The following PALM2AKAP2 variants were observed in gnomAD, a reference collection of about 807,000 sequenced individuals.
PALM2AKAP2 encodes PALM2-AKAP2 fusion protein.
PALM2AKAP2 carries 37 observed loss-of-function variants against 71.5 expected under a neutral mutation model. That is an observed-to-expected ratio of 0.52 (90% CI 0.40 to 0.68). The LOEUF (loss-of-function observed/expected upper bound fraction) is 0.68. Among genes scored for constraint, PALM2AKAP2 ranks in the 30% least tolerant of loss-of-function variants. The pLI is 0.00. For synonymous variants in PALM2AKAP2, 468 were observed against 478.8 expected (o/e 0.98, Z 0.29); for missense variants, 1,224 against 1,191.8 (o/e 1.03, Z -0.40).
intron 7 of PALM2AKAP2, among the ~76,000 whole-genome samples, chr9:110,031,554 G>T (rs975271462): frequency 1.3e-5 from 2 of 152,178 alleles, no homozygotes; most frequent in African/African-American, 4.8e-5. Flanking sequence ...TGCTCTGGGT[G>T]TTTAGGGTAT....
intron 1 of PALM2AKAP2, chr9:110,048,951 C>A: frequency 1.5e-6 from 2 of 1,378,836 alleles, no homozygotes; most frequent in East Asian, 2.9e-5. Context: ...GGCTGGAAAT[C>A]TGGGAGTCCT....
chr9:109,871,681 G>A (rs1475307412), intron 2 of PALM2AKAP2, among the ~76,000 whole-genome samples: 1 of 151,754 alleles, frequency 6.6e-6, no homozygotes, highest in Non-Finnish European at 1.5e-5. Flanking sequence ...CCAACCTGTG[G>A]GTAAAATGAA....
Position 110,137,414 on chromosome 9 carries a change from T to TC in PALM2AKAP2, c.1449dup (p.Gly484ArgfsTer29). ...TGCCTCAGCCGCCAAGGGACAGAAATCCCCCGGTGCCCTGGAGACCCCATC... is the reference window on the plus strand; with the variant it reads ...TGCCTCAGCCGCCAAGGGACAGAAATCCCCCCGGTGCCCTGGAGACCCCATC... On this transcript the variant is annotated frameshift_variant, in exon 2 of 4. Coordinates refer to ENST00000374525, the Ensembl canonical transcript of PALM2AKAP2. LOFTEE classifies it high-confidence loss of function. The TC allele has an allele frequency of 6.2e-7, 1 of 1,613,710 alleles. No homozygotes were observed. The highest frequency in any genetic ancestry group is 8.5e-7 in the Non-Finnish European group (1 of 1,179,940).
At chr9:110,107,267 G>A (rs62578860) in intron 1 of PALM2AKAP2, among the ~76,000 whole-genome samples, 8,830 of 152,176 alleles carry the variant, frequency 0.058, 329 homozygotes, top group Middle Eastern at 0.11. Context: ...ACAAAGAAAT[G>A]GCAAATGTTC....
chr9:109,702,188 C>G (rs1438272545), intron 1 of PALM2AKAP2, among the ~76,000 whole-genome samples: 1 of 151,992 alleles, frequency 6.6e-6, no homozygotes, highest in Non-Finnish European at 1.5e-5. Flanking sequence ...TGTGGCGATT[C>G]CTCAGGGATC....
chr9:109,961,649 C>T lies in PALM2AKAP2; in HGVS notation c.496+29621C>T, dbSNP rs193192645. On this transcript the variant is annotated intron_variant, in intron 6 of 9. Coordinates refer to the PALM2AKAP2 transcript ENST00000302798. ...TCTGGCATGGAGATGGGCATCTCTGCTTTGTCAACTACTCCACATCTGCAA... is the reference window on the plus strand; with the variant it reads ...TCTGGCATGGAGATGGGCATCTCTGTTTTGTCAACTACTCCACATCTGCAA... Among the ~76,000 whole-genome samples the T allele has an allele frequency of 1.8e-3, 276 of 152,334 alleles. 3 individuals are homozygous for T. Among genetic ancestry groups the T allele is most frequent in the Non-Finnish European group, 3.8e-4 (26 of 68,028 alleles).
intron 1 of PALM2AKAP2, among the ~76,000 whole-genome samples, chr9:110,126,685 AAC>A (rs1835612969): frequency 6.6e-6 from 1 of 152,332 alleles, no homozygotes; most frequent in East Asian, 1.9e-4. Flanking sequence ...AACGGAAAGA[AAC>A]AACCCTTTCA....
intron 1 of PALM2AKAP2, among the ~76,000 whole-genome samples, chr9:109,657,772 A>C (rs1408869394): frequency 6.6e-6 from 1 of 152,106 alleles, no homozygotes; most frequent in Non-Finnish European, 1.5e-5. Flanking sequence ...TGAGTGCTAG[A>C]ACCTAAGCTC....
chr9:109,722,288 G>A (rs1380218600), intron 1 of PALM2AKAP2, among the ~76,000 whole-genome samples: 5 of 152,110 alleles, frequency 3.3e-5, no homozygotes, highest in African/African-American at 9.7e-5. Context: ...GAATACACAC[G>A]CATACACACA....
intron 1 of PALM2AKAP2, among the ~76,000 whole-genome samples, chr9:110,104,025 C>G (rs1055828611): frequency 6.6e-6 from 1 of 152,178 alleles, no homozygotes; most frequent in South Asian, 2.1e-4. Flanking sequence ...TAGGACCAGT[C>G]AAGGGTTTGC....
chr9:109,849,502 C>T (rs950668865), intron 1 of PALM2AKAP2, among the ~76,000 whole-genome samples: 1 of 152,162 alleles, frequency 6.6e-6, no homozygotes, highest in African/African-American at 2.4e-5. Context: ...AATCCCAGCA[C>T]TTTGGGAGGC....
intron 1 of PALM2AKAP2, among the ~76,000 whole-genome samples, chr9:109,768,161 G>C (rs900473474): frequency 6.7e-6 from 1 of 150,134 alleles, no homozygotes; most frequent in Non-Finnish European, 1.5e-5. Context: ...GAAGGAGGAA[G>C]GAAAGTAGGA....
At chr9:109,705,442 C>T (rs1828127706) in intron 1 of PALM2AKAP2, among the ~76,000 whole-genome samples, 1 of 152,174 alleles carries the variant, frequency 6.6e-6, no homozygotes, top group African/African-American at 2.4e-5. Flanking sequence ...GGCACCATCG[C>T]TACTATGTGT....
intron 1 of PALM2AKAP2, among the ~76,000 whole-genome samples, chr9:110,135,909 G>A (rs2119097440): frequency 6.6e-6 from 1 of 152,140 alleles, no homozygotes; most frequent in East Asian, 1.9e-4. Context: ...AATGGCACTA[G>A]CATGTAAACA....
intron 2 of PALM2AKAP2, among the ~76,000 whole-genome samples, chr9:110,148,918 A>T (rs574644929): frequency 6.6e-6 from 1 of 152,344 alleles, no homozygotes; most frequent in African/African-American, 2.4e-5. Flanking sequence ...TTAGACCTGA[A>T]ATCCAGAAGG....
chr9:110,015,977 C>G, exon 7 of PALM2AKAP2: 1 of 1,613,924 alleles, frequency 6.2e-7, no homozygotes, highest in Non-Finnish European at 8.5e-7. Context: ...GAATGTGCTG[C>G]TAAAGGAAGG....
chr9:110,167,349 A>G (rs886687779), intron 3 of PALM2AKAP2, among the ~76,000 whole-genome samples: 1 of 152,260 alleles, frequency 6.6e-6, no homozygotes, highest in Non-Finnish European at 1.5e-5. Flanking sequence ...CTTCAAAATC[A>G]GAAACTGTAC....
chr9:109,779,697 C>G (rs373851397), upstream of PALM2AKAP2, among the ~76,000 whole-genome samples: 1 of 152,212 alleles, frequency 6.6e-6, no homozygotes, highest in Non-Finnish European at 1.5e-5. Flanking sequence ...TATACCCTAC[C>G]CTCGGCCGAC....
At chr9:109,670,298 CG>C (rs1411831290) in intron 1 of PALM2AKAP2, among the ~76,000 whole-genome samples, 2 of 151,952 alleles carry the variant, frequency 1.3e-5, no homozygotes. Context: ...GGCCCCAGTG[CG>C]TGTTGTTCCC....
Sources: gnomAD v4.1 joint callset for allele counts (sites outside exome capture counted in the v4.1 genomes callset) on GRCh38, gnomAD v4.1.1 for gene constraint, MANE v1.5 for transcripts, NCBI Gene and HGNC (gene_info 2026-07-23, HGNC 2026-07-21) for gene names.